NXPE3: variants seen among roughly 807,000 people sequenced by gnomAD.
NXPE3 encodes the protein NXPE family member 3.
A neutral mutation model predicts 46.1 loss-of-function variants in NXPE3; 26 were observed. The observed-to-expected ratio is 0.56, with a 90% CI of 0.41 to 0.78. The LOEUF is 0.78. Among genes scored for constraint, NXPE3 ranks in the 30% least tolerant of loss-of-function variants. The pLI is 0.00. For synonymous variants in NXPE3, 272 were observed against 257.9 expected, an observed-to-expected ratio of 1.05 and a Z score of -0.52; for missense variants, 620 against 686.0, an observed-to-expected ratio of 0.90 and a Z score of 1.07.
rs1398040376 is a variant in NXPE3, at chr3:101,821,784, C to T, written c.1510C>T (p.Gln504Ter). ...SLFNSDWYNF[Q>*]LDTILRRMFS... ...TTTCAACAGCGACTGGTACAACTTT[C>T]AGCTGGACACCATCCTTCGGAGGAT... Residue 504 changes from glutamine (Q) to a stop codon, truncating the protein, a stop_gained, in exon 8 of 8, where the codon CAG (glutamine) becomes TAG (stop). Transcript: ENST00000273347. LOFTEE classifies it high-confidence loss of function. 1.1e-5 allele frequency: 17 copies of T among 1,614,214 alleles called. No individual in the cohort carries two copies. The highest frequency in any genetic ancestry group is 1.4e-5 in the Non-Finnish European group (17 of 1,180,026).
At chr3:101,781,737 C>T (rs1384331099) in intron 1 of NXPE3, 5 of 152,120 alleles carry the variant, frequency 3.3e-5, no homozygotes, top group Admixed American at 6.5e-5. Flanking sequence ...TACAGATACC[C>T]CTTTTTTCTG....
chr3:101,786,572 A>G (rs571284072), intron 4 of NXPE3, among the ~76,000 whole-genome samples: 7 of 152,300 alleles, frequency 4.6e-5, no homozygotes, highest in African/African-American at 1.7e-4. Context: ...AATTCTGTTA[A>G]AGATTCTGTT....
At chr3:101,813,750 A>G (rs1941829914) in intron 6 of NXPE3, among the ~76,000 whole-genome samples, 1 of 152,166 alleles carries the variant, frequency 6.6e-6, no homozygotes, top group Non-Finnish European at 1.5e-5. Context: ...TTCCATGTGA[A>G]TAGTACATTA....
At chr3:101,802,863 A>T (rs766879774) in intron 5 of NXPE3, among the ~76,000 whole-genome samples, 3 of 150,842 alleles carry the variant, frequency 2.0e-5, no homozygotes, top group Non-Finnish European at 2.9e-5. Flanking sequence ...ATAAAAAATT[A>T]TAAAAGCTAC....
intron 6 of NXPE3, among the ~76,000 whole-genome samples, chr3:101,811,245 G>A (rs1425594614): frequency 6.6e-6 from 1 of 152,196 alleles, no homozygotes; most frequent in Non-Finnish European, 1.5e-5. Flanking sequence ...CTGCAGGTCT[G>A]TGGGTTAATA....
At chr3:101,796,996 C>A (rs981261949) in intron 4 of NXPE3, among the ~76,000 whole-genome samples, 1 of 152,080 alleles carries the variant, frequency 6.6e-6, no homozygotes, top group Non-Finnish European at 1.5e-5. Context: ...AATTGCATAA[C>A]GTAAGATGTA....
chr3:101,810,714 G>A (rs1698526181), intron 6 of NXPE3, among the ~76,000 whole-genome samples: 1 of 152,196 alleles, frequency 6.6e-6, no homozygotes, highest in African/African-American at 2.4e-5. Flanking sequence ...GCAACTTCTA[G>A]TAGCTGGAGA....
chr3:101,812,531 C>T (rs933674724), intron 6 of NXPE3, among the ~76,000 whole-genome samples: 7 of 151,982 alleles, frequency 4.6e-5, no homozygotes, highest in Middle Eastern at 3.4e-3. Flanking sequence ...GGTATTTCGA[C>T]GGCCGGGCGC....
intron 6 of NXPE3, among the ~76,000 whole-genome samples, chr3:101,814,219 C>T (rs527376383): frequency 2.6e-5 from 4 of 152,182 alleles, no homozygotes; most frequent in Non-Finnish European, 4.4e-5. Context: ...CCCTAGGTGT[C>T]GTCTCTGGAG....
At chr3:101,806,735 C>G (rs1177899427) in intron 5 of NXPE3, among the ~76,000 whole-genome samples, 2 of 152,170 alleles carry the variant, frequency 1.3e-5, no homozygotes, top group Admixed American at 6.5e-5. Context: ...ACATTCTTGT[C>G]AGTGTGAGCC....
rs182288625 is a variant in NXPE3 at position 101,812,685 on chromosome 3, G to C, written c.923-4110G>C. Among the ~76,000 whole-genome samples the C allele has an allele frequency of 1.9e-3, 284 of 151,682 alleles. 2 individuals carry two copies. Among genetic ancestry groups the C allele is most frequent in the African/African-American group, 6.3e-3 (260 of 41,366 alleles). ...AAACTAGCCGGGCGTGGTGGCAGGCGCCTGTAGTCCCAGCTACTCAGGAGG... is the reference window on the plus strand; with the variant it reads ...AAACTAGCCGGGCGTGGTGGCAGGCCCCTGTAGTCCCAGCTACTCAGGAGG... On this transcript the variant is annotated intron_variant, in intron 6 of 7. Coordinates refer to ENST00000273347, the MANE Select transcript of NXPE3 (RefSeq NM_145037.4).
chr3:101,794,440 T>C (rs1425708450), intron 4 of NXPE3, among the ~76,000 whole-genome samples: 4 of 152,190 alleles, frequency 2.6e-5, no homozygotes, highest in African/African-American at 9.6e-5. Context: ...TCAGGGAGTT[T>C]CTGGCTGTGA....
chr3:101,785,703 A>G lies in NXPE3; in HGVS notation c.93+14A>G. 6.2e-7 allele frequency: 1 copy of G among 1,604,966 alleles called. No individual in the cohort carries two copies. Among genetic ancestry groups the G allele is most frequent in the Non-Finnish European group, 8.5e-7 (1 of 1,171,822 alleles). ...ACTCAGGTAGAGGTGAGTACCCAGT[A>G]TAATCCCTCATAACTAAGGGAGCCG... On this transcript the variant is annotated intron_variant, in intron 4 of 7. Coordinates refer to ENST00000273347, the MANE Select transcript of NXPE3 (RefSeq NM_145037.4).
chr3:101,818,742 TATA>T (rs1942093992), intron 7 of NXPE3, among the ~76,000 whole-genome samples: 6 of 32,664 alleles, frequency 1.8e-4, no homozygotes, highest in African/African-American at 5.1e-4. Flanking sequence ...TATATATATA[TATA>T]TATATATATT....
At chr3:101,814,233 TCTAA>T (rs1941863333) in intron 6 of NXPE3, among the ~76,000 whole-genome samples, 3 of 152,252 alleles carry the variant, frequency 2.0e-5, no homozygotes, top group East Asian at 1.9e-4. Flanking sequence ...TCTGGAGCTC[TCTAA>T]CTATGCAGCC....
chr3:101,801,948 G>C lies in NXPE3; in HGVS notation c.807G>C (p.Leu269=). Residue 269 remains leucine (L), a synonymous_variant, in exon 5 of 8, where the codon CTG becomes CTC. Coordinates refer to ENST00000273347, the MANE Select transcript of NXPE3 (RefSeq NM_145037.4). The stretch of plus-strand genomic sequence containing the variant: ...TTACCCATTTCAAAGGTGGATACCT[G>C]AAAGGTCTCCTAACCGCTGCAGAGA... The part of the protein sequence containing the change: ...SRITHFKGGY[L]KGLLTAAESA... The C allele has an allele frequency of 1.2e-6, 2 of 1,613,458 alleles. No homozygotes were observed. Among genetic ancestry groups the C allele is most frequent in the Non-Finnish European group, 1.7e-6 (2 of 1,179,912 alleles).
chr3:101,779,515 G>C (rs550455963), intron 1 of NXPE3, 191 bp downstream of exon 1: 84 of 153,242 alleles, frequency 5.5e-4, no homozygotes, highest in African/African-American at 1.8e-3. Flanking sequence ...ATAGGTGCCA[G>C]GGAGGGGAGG....
chr3:101,816,035 G>A (rs1213699528), intron 6 of NXPE3, among the ~76,000 whole-genome samples: 1 of 149,136 alleles, frequency 6.7e-6, no homozygotes, highest in Non-Finnish European at 1.5e-5. Context: ...ATGGTAATGC[G>A]TGCCTGTAAT....
chr3:101,794,012 C>T (rs1940674160), intron 4 of NXPE3, among the ~76,000 whole-genome samples: 1 of 152,066 alleles, frequency 6.6e-6, no homozygotes, highest in African/African-American at 2.4e-5. Flanking sequence ...TAAGGACAGT[C>T]CTTGGGCTCA....
Sources: allele counts gnomAD v4.1 joint callset (sites outside exome capture counted in the v4.1 genomes callset), GRCh38; gene constraint gnomAD v4.1.1; transcripts MANE v1.5; gene names NCBI Gene and HGNC (gene_info 2026-07-23, HGNC 2026-07-21).